CLEC4C: variants seen among roughly 807,000 people sequenced by gnomAD.
The protein encoded by CLEC4C is C-type (calcium dependent, carbohydrate-recognition domain) lectin, superfamily member 11.
A neutral mutation model predicts 27.7 loss-of-function variants in CLEC4C; 17 were observed. The ratio of observed to expected loss-of-function variants is 0.61; its 90% confidence interval spans 0.42 to 0.92. The LOEUF is 0.92. CLEC4C is among the 40% of genes least tolerant of loss of function. The pLI is 0.00. For synonymous variants in CLEC4C, 80 were observed against 80.8 expected (o/e 0.99, Z 0.06); for missense variants, 244 against 257.3 (o/e 0.95, Z 0.35).
intron 4 of CLEC4C, among the ~76,000 whole-genome samples, chr12:7,731,971 C>T (rs1306233803): frequency 6.6e-6 from 1 of 152,108 alleles, no homozygotes; most frequent in East Asian, 1.9e-4. Context: ...TGCAAACCCA[C>T]CCCCTGCCCA....
intron 3 of CLEC4C, among the ~76,000 whole-genome samples, chr12:7,738,076 C>T (rs1036546536): frequency 6.6e-6 from 1 of 152,068 alleles, no homozygotes; most frequent in East Asian, 1.9e-4. Flanking sequence ...ACATCTTTAG[C>T]AAAAATAAGC....
At chr12:7,747,588 C>G (rs10845821), upstream of CLEC4C, 1 of 365,150 alleles carries the variant, frequency 2.7e-6, no homozygotes, top group South Asian at 7.5e-5. Context: ...ACAAGGAAAT[C>G]GAGAAATACA....
At chr12:7,745,209 G>A (rs1054333934) in intron 2 of CLEC4C, among the ~76,000 whole-genome samples, 1 of 151,846 alleles carries the variant, frequency 6.6e-6, no homozygotes, top group African/African-American at 2.4e-5. Context: ...GGTTATGAGG[G>A]GGGGCTCTCA....
chr12:7,745,045 C>T (rs1864939692), intron 2 of CLEC4C, among the ~76,000 whole-genome samples: 1 of 152,100 alleles, frequency 6.6e-6, no homozygotes, highest in Admixed American at 6.6e-5. Context: ...AGGAGCAGAT[C>T]AACTAGATGG....
chr12:7,747,598 A>G, upstream of CLEC4C: 1 of 409,050 alleles, frequency 2.4e-6, no homozygotes, highest in Admixed American at 3.8e-5. Context: ...CGAGAAATAC[A>G]TGAAAAACAG....
At chr12:7,730,685 A>G in intron 5 of CLEC4C, 112 bp downstream of exon 5, 1 of 556,188 alleles carries the variant, frequency 1.8e-6, no homozygotes, top group Non-Finnish European at 3.3e-6. Context: ...AAATAGACCT[A>G]GGTTTTAAAA....
intron 3 of CLEC4C, 45 bp from the exon 4 acceptor site, chr12:7,737,619 T>G: frequency 6.4e-7 from 1 of 1,560,242 alleles, no homozygotes; most frequent in South Asian, 1.2e-5. Flanking sequence ...AACAGAGAAT[T>G]CTCCTCACAT....
chr12:7,748,687 TG>T (rs1865040158), upstream of CLEC4C, among the ~76,000 whole-genome samples: 1 of 152,194 alleles, frequency 6.6e-6, no homozygotes, highest in Non-Finnish European at 1.5e-5. Context: ...CCTCTGCCCC[TG>T]CCTCAGGGGT....
upstream of CLEC4C, chr12:7,749,235 G>T (rs1215897547): frequency 6.6e-6 from 1 of 152,328 alleles, no homozygotes; most frequent in Non-Finnish European, 1.5e-5. Context: ...CTTGGCTCTT[G>T]AGGGAGGATG....
chr12:7,737,649 G>C, intron 3 of CLEC4C, 75 bp from the exon 4 acceptor site: 1 of 1,435,258 alleles, frequency 7.0e-7, no homozygotes, highest in South Asian at 1.3e-5. Flanking sequence ...AGCTTAGCTT[G>C]CTAAGGTTTA....
chr12:7,749,053 A>AC (rs1203628779), upstream of CLEC4C: 1 of 152,208 alleles, frequency 6.6e-6, no homozygotes, highest in Admixed American at 6.5e-5. Context: ...GGGTGGCTGG[A>AC]CACACAACAC....
intron 3 of CLEC4C, among the ~76,000 whole-genome samples, chr12:7,741,117 C>T (rs1031620386): frequency 2.6e-5 from 4 of 152,012 alleles, no homozygotes; most frequent in African/African-American, 4.8e-5. Context: ...CTTGAGCCAC[C>T]GCGCCCGGAC....
At position 7,730,810 on chromosome 12, in the gene CLEC4C, T is replaced by G; in HGVS notation, c.484A>C (p.Asn162His). ...TTCTATACTCACGTGACATTTTCAT[T>G]GTATGGTGTCTGGTCAACCCATTGC... ...HWQWVDQTPY[N>H]ENVTFWHSGE... Residue 162 changes from asparagine to histidine, a missense_variant, in exon 5 of 6, where the codon AAT becomes CAT. Physicochemically the swap from Asn to His is moderately conservative, Grantham distance 68. Coordinates refer to ENST00000360345, the MANE Select transcript of CLEC4C (RefSeq NM_001371390.1). 1 of 1,585,160 alleles carries G rather than the reference T, an allele frequency of 6.3e-7. No individual in the cohort carries two copies. Among genetic ancestry groups the G allele is most frequent in the South Asian group, 1.1e-5 (1 of 90,492 alleles).
chr12:7,734,350 A>G (rs535642972), intron 4 of CLEC4C, among the ~76,000 whole-genome samples: 5 of 152,278 alleles, frequency 3.3e-5, no homozygotes, highest in African/African-American at 1.2e-4. Context: ...CAAAAATTAG[A>G]GTCCAGAGCC....
chr12:7,747,306 A>G lies in CLEC4C; in HGVS notation c.31+12T>C, dbSNP rs750192189. The G allele has an allele frequency of 1.2e-6, 2 of 1,613,804 alleles. No individual in the cohort carries two copies. The highest frequency in any genetic ancestry group is 1.7e-6 in the Non-Finnish European group (2 of 1,179,730). On this transcript the variant is annotated intron_variant, in intron 1 of 5. Transcript: ENST00000360345. ...TACTACCTTCCCTAGAACTGAGAAG[A>G]TGAGTGCTTACCTCGGTCTTGAGGC...
intron 4 of CLEC4C, among the ~76,000 whole-genome samples, chr12:7,736,329 C>G (rs1462820552): frequency 6.6e-6 from 1 of 151,592 alleles, no homozygotes; most frequent in Non-Finnish European, 1.5e-5. Context: ...GATTAGTGAA[C>G]TGGAATAGAA....
chr12:7,747,547 A>G, upstream of CLEC4C: 1 of 487,432 alleles, frequency 2.1e-6, no homozygotes, highest in Non-Finnish European at 3.7e-6. Flanking sequence ...AATTTAAAAC[A>G]TACATCATGT....
intron 2 of CLEC4C, among the ~76,000 whole-genome samples, chr12:7,742,992 T>C (rs1228229646): frequency 1.3e-5 from 2 of 152,172 alleles, no homozygotes; most frequent in African/African-American, 4.8e-5. Flanking sequence ...TATTCATTTA[T>C]CTTGTTTGTT....
chr12:7,740,541 A>G (rs907082596), intron 3 of CLEC4C, among the ~76,000 whole-genome samples: 1 of 151,704 alleles, frequency 6.6e-6, no homozygotes, highest in African/African-American at 2.4e-5. Context: ...CTCTACTAAA[A>G]TACAAAAAAA....
Sources: gnomAD v4.1 joint callset for allele counts (sites outside exome capture counted in the v4.1 genomes callset) on GRCh38, gnomAD v4.1.1 for gene constraint, MANE v1.5 for transcripts, NCBI Gene and HGNC (gene_info 2026-07-23, HGNC 2026-07-21) for gene names.